Variants in PPP6C observed in about 807,000 individuals in gnomAD.
The protein encoded by PPP6C is serine/threonine-protein phosphatase 6 catalytic subunit.
PPP6C carries 11 observed loss-of-function variants against 39.8 expected under a neutral mutation model. The observed-to-expected ratio is 0.28, with a 90% confidence interval of 0.17 to 0.46. PPP6C has a LOEUF of 0.46. Ranked by LOEUF, PPP6C falls within the 20% of genes least tolerant of loss-of-function variation. The pLI is 1.00. For missense variants in PPP6C, 211 were observed against 373.9 expected, an observed-to-expected ratio of 0.56 and a Z score of 3.59; for synonymous variants, 129 against 130.3, an observed-to-expected ratio of 0.99 and a Z score of 0.07.
rs568543781 is a variant in PPP6C, at chr9:125,150,948, G to C, written c.670-1027C>G. On this transcript the variant is annotated intron_variant, in intron 6 of 6. Coordinates refer to ENST00000373547, the MANE Select transcript of PPP6C (RefSeq NM_002721.5). ...CCCTTATGCCCAGCAGGATAATAAA[G>C]AGTCAGGTGACAATCTCAGCCAAGC... 169 of 1,178,140 alleles carry C rather than the reference G, an allele frequency of 1.4e-4. No individual in the cohort carries two copies. In the African/African-American group the frequency reaches 2.3e-3, roughly 16 times the overall value. 73.0% of individuals were successfully genotyped at this position (1,178,140 alleles called of 1,614,324 possible).
Position 125,153,617 on chromosome 9 carries a change from A to C in PPP6C, c.585T>G (p.Val195=), listed in dbSNP as rs769269248. 5.0e-6 allele frequency: 8 copies of C among 1,614,072 alleles called. No individual in the cohort carries two copies. Among genetic ancestry groups the C allele is most frequent in the Non-Finnish European group, 6.8e-6 (8 of 1,180,044 alleles). ...TATCCACATCTTCAGGATCTGACCA[A>C]ACCAGATCACAAAATGCTCCTTTAT... ...IPHKGAFCDL[V]WSDPEDVDTW... Residue 195 remains valine (V), a synonymous_variant, in exon 6 of 7, where the codon GTT becomes GTG. Coordinates refer to ENST00000373547, the MANE Select transcript of PPP6C (RefSeq NM_002721.5).
rs764282080 is a variant in PPP6C at position 125,153,756 on chromosome 9, A to G, written c.460-14T>C. 2 of 1,610,588 alleles carry G rather than the reference A, an allele frequency of 1.2e-6. No homozygotes were observed. The highest frequency in any genetic ancestry group is 4.5e-5 in the East Asian group (2 of 44,868). On this transcript the variant is annotated splice_polypyrimidine_tract_variant and intron_variant, in intron 5 of 6. Coordinates refer to ENST00000373547, the MANE Select transcript of PPP6C (RefSeq NM_002721.5). ...CTCATCTATTAACTAGCAAAAAAGG[A>G]TAACAAAGAGTTGAACATATAACCT...
chr9:125,149,714 G>A lies in PPP6C; in HGVS notation c.877C>T (p.Arg293Cys). The A allele has an allele frequency of 6.2e-7, 1 of 1,614,160 alleles. No homozygotes were observed. Among genetic ancestry groups the A allele is most frequent in the Non-Finnish European group, 8.5e-7 (1 of 1,180,026 alleles). The change falls in exon 7 of 7, where the codon CGT (arginine) becomes TGT (cysteine). Residue 293 changes from arginine to cysteine, a missense_variant. Coordinates refer to ENST00000373547, the MANE Select transcript of PPP6C (RefSeq NM_002721.5). Reference protein sequence around the residue: ...KLFRAVPDSERVIPPRTTTPY... With the variant: ...KLFRAVPDSECVIPPRTTTPY... ...GTTGTCGTTCTGGGAGGAATAACAC[G>A]TTCTGAATCTGGAACTGCCCGGAAT...
chr9:125,188,920 T>A, intron 1 of PPP6C: 11 of 1,548,698 alleles, frequency 7.1e-6, no homozygotes, highest in Non-Finnish European at 9.6e-6. Flanking sequence ...GGAACTCACC[T>A]CCTTTAGAAA....
intron 3 of PPP6C, among the ~76,000 whole-genome samples, chr9:125,159,462 C>T (rs2131308630): frequency 6.6e-6 from 1 of 151,564 alleles, no homozygotes; most frequent in African/African-American, 2.4e-5. Context: ...CCACCTCAGC[C>T]TCCCAAGTAG....
At chr9:125,153,861 G>A (rs201330565) in intron 5 of PPP6C, 45 bp downstream of exon 5, 1 of 1,538,642 alleles carries the variant, frequency 6.5e-7, no homozygotes, top group East Asian at 2.2e-5. Flanking sequence ...TATGCAATGT[G>A]TTATTGGCAG....
chr9:125,150,473 AGTGT>A (rs140185523), intron 6 of PPP6C, among the ~76,000 whole-genome samples: 2 of 151,226 alleles, frequency 1.3e-5, no homozygotes, highest in Non-Finnish European at 2.9e-5. Context: ...GAAAGTTCAA[AGTGT>A]GTGTGTGTGT....
chr9:125,154,456 C>T (rs1836021534), intron 4 of PPP6C, among the ~76,000 whole-genome samples: 1 of 152,174 alleles, frequency 6.6e-6, no homozygotes, highest in Admixed American at 6.5e-5. Flanking sequence ...TATATACAGT[C>T]CATCATCGAC....
chr9:125,174,354 GA>G (rs1829249418), intron 1 of PPP6C, among the ~76,000 whole-genome samples: 1 of 151,056 alleles, frequency 6.6e-6, no homozygotes. Flanking sequence ...ACAATGAGGG[GA>G]AATAGAGTTG....
At position 125,154,864 on chromosome 9, in the gene PPP6C, T is replaced by C. The variant is rs367704372; in HGVS notation, c.380-879A>G. 7.0e-4 allele frequency among the ~76,000 whole-genome samples: 107 copies of C among 152,266 alleles called. 2 individuals carry two copies. The South Asian group carries it at 0.021, about 30-fold the overall frequency. On this transcript the variant is annotated intron_variant, in intron 4 of 6. Coordinates refer to ENST00000373547, the MANE Select transcript of PPP6C (RefSeq NM_002721.5). ...AGATTGCCAATCAGGTTCTTACAAA[T>C]TCTCAGTTGAACACTCTTTCTGCTG... is the stretch of plus-strand genomic sequence containing the variant.
At chr9:125,164,791 T>C (rs1182866984) in intron 2 of PPP6C, among the ~76,000 whole-genome samples, 1 of 151,990 alleles carries the variant, frequency 6.6e-6, no homozygotes, top group Non-Finnish European at 1.5e-5. Flanking sequence ...CAGACTGGAG[T>C]GCAGTGGCAT....
intron 1 of PPP6C, among the ~76,000 whole-genome samples, chr9:125,181,443 T>C (rs750224239): frequency 2.6e-5 from 4 of 152,110 alleles, no homozygotes; most frequent in Non-Finnish European, 5.9e-5. Context: ...CATCAACCCA[T>C]CATCTACAAT....
At chr9:125,150,353 C>T (rs1003911129) in intron 6 of PPP6C, among the ~76,000 whole-genome samples, 1 of 152,066 alleles carries the variant, frequency 6.6e-6, no homozygotes, top group Non-Finnish European at 1.5e-5. Flanking sequence ...AATTAAGATA[C>T]ACTGATGCAG....
chr9:125,151,335 A>C, intron 6 of PPP6C: 5 of 1,417,752 alleles, frequency 3.5e-6, no homozygotes, highest in Non-Finnish European at 5.0e-6. Context: ...CATGCAGCTG[A>C]CAAACTTCTC....
intron 3 of PPP6C, 35 bp downstream of exon 3, chr9:125,160,806 T>C: frequency 6.9e-7 from 1 of 1,439,288 alleles, no homozygotes; most frequent in East Asian, 2.4e-5. Flanking sequence ...CTTTCCATTT[T>C]AAACAAGCAC....
chr9:125,170,425 G>T (rs761925522), intron 2 of PPP6C, among the ~76,000 whole-genome samples: 14 of 151,930 alleles, frequency 9.2e-5, no homozygotes, highest in Non-Finnish European at 1.8e-4. Flanking sequence ...TTTCAGTAGA[G>T]ACGGGGTTTC....
chr9:125,159,150 C>CA (rs1450179753), intron 3 of PPP6C, among the ~76,000 whole-genome samples: 4 of 150,802 alleles, frequency 2.7e-5, no homozygotes, highest in African/African-American at 4.9e-5. Context: ...GTGATTCTCC[C>CA]ACCTCAGCTT....
intron 6 of PPP6C, among the ~76,000 whole-genome samples, chr9:125,150,128 T>C (rs1835900190): frequency 6.6e-6 from 1 of 152,206 alleles, no homozygotes; most frequent in South Asian, 2.1e-4. Context: ...ACTGTACAGC[T>C]ACATAAACAG....
chr9:125,171,752 C>A (rs1829173765), intron 1 of PPP6C, among the ~76,000 whole-genome samples: 1 of 151,716 alleles, frequency 6.6e-6, no homozygotes, highest in Non-Finnish European at 1.5e-5. Context: ...CAGGGTTTTA[C>A]CATGTTGGCC....
Sources: gnomAD v4.1 joint callset for allele counts (sites outside exome capture counted in the v4.1 genomes callset) on GRCh38, gnomAD v4.1.1 for gene constraint, MANE v1.5 for transcripts, NCBI Gene and HGNC (gene_info 2026-07-23, HGNC 2026-07-21) for gene names.